Variants in PRUNE2 observed in about 807,000 individuals in gnomAD.
PRUNE2 encodes prune homolog 2 with BCH domain.
A neutral mutation model predicts 252.0 loss-of-function variants in PRUNE2; 164 were observed. The ratio of observed to expected loss-of-function variants is 0.65; its 90% CI spans 0.57 to 0.74. PRUNE2 has a LOEUF of 0.74. Among genes scored for constraint, PRUNE2 ranks in the 30% least tolerant of loss-of-function variants. The pLI, the probability that PRUNE2 is intolerant of heterozygous loss-of-function variation, is 0.00. For missense variants in PRUNE2, 3,495 were observed against 3,711.0 expected, an observed-to-expected ratio of 0.94 and a Z score of 1.51; for synonymous variants, 1,292 against 1,350.2, an observed-to-expected ratio of 0.96 and a Z score of 0.94.
chr9:76,871,174 T>A (rs901146955), intron 1 of PRUNE2, among the ~76,000 whole-genome samples: 8 of 152,160 alleles, frequency 5.3e-5, no homozygotes, highest in Non-Finnish European at 1.5e-5. Flanking sequence ...TGGGTTCACA[T>A]TCATGGATTC....
At chr9:76,891,548 C>T (rs749557194) in intron 1 of PRUNE2, among the ~76,000 whole-genome samples, 4 of 152,182 alleles carry the variant, frequency 2.6e-5, no homozygotes, top group Admixed American at 2.6e-4. Flanking sequence ...GTCCATCACA[C>T]GAAACTCCAA....
At chr9:76,821,548 G>T (rs1303069650) in intron 6 of PRUNE2, among the ~76,000 whole-genome samples, 3 of 149,208 alleles carry the variant, frequency 2.0e-5, no homozygotes, top group Non-Finnish European at 4.5e-5. Flanking sequence ...TACTAAGGAG[G>T]TTTTTTTTTT....
chr9:76,850,946 ATAC>A (rs1215116782), intron 2 of PRUNE2, among the ~76,000 whole-genome samples: 5 of 151,836 alleles, frequency 3.3e-5, no homozygotes, highest in African/African-American at 9.7e-5. Flanking sequence ...ATATAAATAT[ATAC>A]TACATATGAT....
intron 9 of PRUNE2, among the ~76,000 whole-genome samples, chr9:76,702,505 G>C (rs1471104911): frequency 6.6e-6 from 1 of 152,200 alleles, no homozygotes; most frequent in Non-Finnish European, 1.5e-5. Flanking sequence ...AACAGTTTCA[G>C]CAGAGACTGG....
chr9:76,729,715 C>A (rs1024825972), intron 6 of PRUNE2, among the ~76,000 whole-genome samples: 3 of 151,862 alleles, frequency 2.0e-5, no homozygotes, highest in African/African-American at 7.3e-5. Flanking sequence ...ATAATGCATC[C>A]ATTTATAATC....
At chr9:76,848,524 A>G (rs545244521) in intron 3 of PRUNE2, among the ~76,000 whole-genome samples, 18 of 152,382 alleles carry the variant, frequency 1.2e-4, no homozygotes, top group African/African-American at 4.1e-4. Context: ...ATACCTAAAT[A>G]TGCTTCCTAA....
intron 6 of PRUNE2, among the ~76,000 whole-genome samples, chr9:76,791,132 T>C (rs910437930): frequency 6.6e-6 from 1 of 152,198 alleles, no homozygotes; most frequent in Non-Finnish European, 1.5e-5. Context: ...AGCTATGTGA[T>C]GAGTAAGTTC....
intron 10 of PRUNE2, among the ~76,000 whole-genome samples, chr9:76,653,743 AG>A (rs1386739577): frequency 4.7e-5 from 7 of 147,888 alleles, no homozygotes; most frequent in African/African-American, 1.9e-4. Context: ...GTATCCTCCC[AG>A]GTAACATTCT....
chr9:76,618,784 G>C (rs973330804), intron 18 of PRUNE2, among the ~76,000 whole-genome samples: 3 of 152,128 alleles, frequency 2.0e-5, no homozygotes, highest in Non-Finnish European at 1.5e-5. Context: ...AACTTATTCT[G>C]AGGATTAAAA....
chr9:76,850,257 G>C (rs1320153088), intron 3 of PRUNE2, among the ~76,000 whole-genome samples: 2 of 152,102 alleles, frequency 1.3e-5, no homozygotes, highest in African/African-American at 4.8e-5. Context: ...ATGTTGGTCA[G>C]GCTGGTCTCG....
chr9:76,734,883 C>T (rs538868113), intron 6 of PRUNE2, among the ~76,000 whole-genome samples: 13 of 152,328 alleles, frequency 8.5e-5, no homozygotes, highest in South Asian at 2.1e-4. Context: ...CTCTGAGACA[C>T]GGAGATCTAG....
At chr9:76,783,925 A>G (rs1347314010) in intron 6 of PRUNE2, 1 of 152,168 alleles carries the variant, frequency 6.6e-6, no homozygotes, top group Non-Finnish European at 1.5e-5. Context: ...CTACTCAGAA[A>G]TTTTTGATGG....
intron 6 of PRUNE2, among the ~76,000 whole-genome samples, chr9:76,812,884 G>A (rs1410798541): frequency 1.3e-5 from 2 of 152,076 alleles, no homozygotes; most frequent in Non-Finnish European, 2.9e-5. Flanking sequence ...TTGCAAACCC[G>A]TTATTTGCAA....
At chr9:76,657,721 C>G (rs977289061) in intron 9 of PRUNE2, among the ~76,000 whole-genome samples, 1 of 152,180 alleles carries the variant, frequency 6.6e-6, no homozygotes, top group Non-Finnish European at 1.5e-5. Context: ...GTATTACATA[C>G]CCTCCACTTA....
intron 6 of PRUNE2, among the ~76,000 whole-genome samples, chr9:76,770,880 C>T (rs192821745): frequency 2.6e-5 from 4 of 151,832 alleles, no homozygotes; most frequent in Admixed American, 6.6e-5. Context: ...ACTATCAATG[C>T]GAAAGTAAAT....
intron 6 of PRUNE2, among the ~76,000 whole-genome samples, chr9:76,721,312 C>T (rs567844283): frequency 1.3e-5 from 2 of 152,168 alleles, no homozygotes; most frequent in Non-Finnish European, 2.9e-5. Context: ...CGTTTCACCT[C>T]CAAGGGCCAA....
intron 4 of PRUNE2, among the ~76,000 whole-genome samples, chr9:76,838,862 T>C (rs1167450389): frequency 6.6e-6 from 1 of 152,144 alleles, no homozygotes; most frequent in Non-Finnish European, 1.5e-5. Flanking sequence ...AAAAGGGTGC[T>C]CGCTTTGTGA....
intron 16 of PRUNE2, among the ~76,000 whole-genome samples, chr9:76,626,733 T>C (rs1447909814): frequency 6.6e-6 from 1 of 152,198 alleles, no homozygotes; most frequent in East Asian, 1.9e-4. Context: ...AGATTCTGGA[T>C]TGCGAACTCT....
intron 9 of PRUNE2, among the ~76,000 whole-genome samples, chr9:76,686,443 CTTTTGTTTTTAT>C (rs1036374097): frequency 3.3e-5 from 5 of 152,202 alleles, no homozygotes; most frequent in South Asian, 2.1e-4. Context: ...GACAGGAGCT[CTTTTGTTTTTAT>C]TTTTGTTTTT....
Sources: allele counts gnomAD v4.1 joint callset (sites outside exome capture counted in the v4.1 genomes callset), GRCh38; gene constraint gnomAD v4.1.1; transcripts MANE v1.5; gene names NCBI Gene and HGNC (gene_info 2026-07-23, HGNC 2026-07-21).